TRPC5: variants seen among roughly 807,000 people sequenced by gnomAD.
TRPC5 encodes the protein transient receptor potential cation channel subfamily C member 5.
TRPC5 carries 9 observed loss-of-function variants against 56.5 expected under a neutral mutation model. That is an observed-to-expected ratio of 0.16 (90% CI 0.10 to 0.28). The LOEUF is 0.28. Ranked by LOEUF, TRPC5 falls within the 10% of genes least tolerant of loss-of-function variation. The pLI is 1.00. For synonymous variants in TRPC5, 282 were observed against 278.5 expected (o/e 1.01, Z -0.13); for missense variants, 469 against 748.9 (o/e 0.63, Z 4.36).
chrX:112,027,694 C>T (rs1400380670), intron 1 of TRPC5, among the ~76,000 whole-genome samples: 3 of 110,491 alleles, frequency 2.7e-5, no homozygotes, highest in Non-Finnish European at 5.7e-5. Flanking sequence ...GACGGGGTTT[C>T]ACCGTGTTAG....
chrX:111,973,212 C>T (rs771872991), intron 1 of TRPC5, among the ~76,000 whole-genome samples: 1 of 111,696 alleles, frequency 9.0e-6, no homozygotes, highest in Non-Finnish European at 1.9e-5. Flanking sequence ...TTTAATTTCC[C>T]TCCTACATCT....
intron 1 of TRPC5, among the ~76,000 whole-genome samples, chrX:112,005,463 T>TAAAAAAAAAAAA (rs745973541): frequency 1.5e-4 from 10 of 66,365 alleles, no homozygotes; most frequent in African/African-American, 4.2e-4. Flanking sequence ...AACCTAAAAG[T>TAAAAAAAAAAAA]AAAAAAAAAA....
intron 1 of TRPC5, among the ~76,000 whole-genome samples, chrX:112,028,386 A>AT (rs1342612689): frequency 9.0e-6 from 1 of 111,192 alleles, no homozygotes; most frequent in East Asian, 2.8e-4. Context: ...TCAACTCATC[A>AT]TTTACATTAG....
chrX:111,930,218 C>A (rs757348471), intron 2 of TRPC5, among the ~76,000 whole-genome samples: 2 of 111,039 alleles, frequency 1.8e-5, no homozygotes, highest in Non-Finnish European at 1.9e-5. Context: ...AAGGCTGAGG[C>A]GGGTGGATCA....
intron 1 of TRPC5, among the ~76,000 whole-genome samples, chrX:111,984,212 G>T (rs1049381179): frequency 9.0e-6 from 1 of 111,485 alleles, no homozygotes; most frequent in African/African-American, 3.3e-5. Flanking sequence ...TTCACTTCTA[G>T]GGGACTGCCA....
chrX:111,998,530 T>A (rs1483256905), intron 1 of TRPC5, among the ~76,000 whole-genome samples: 1 of 111,868 alleles, frequency 8.9e-6, no homozygotes, highest in Non-Finnish European at 1.9e-5. Context: ...CTGTCTGCAG[T>A]CAGCCCTGCC....
In TRPC5 at chrX:111,825,177, TTCTTTCTTTC is replaced by T. The variant is rs1403337870; in HGVS notation, c.1896+9734_1896+9743del. Among the ~76,000 whole-genome samples the T allele has an allele frequency of 8.3e-5, 7 of 84,691 alleles. No individual in the cohort carries two copies. In the East Asian group the frequency reaches 2.5e-3, roughly 30 times the overall value. 73.5% of individuals were successfully genotyped at this position (84,691 alleles called of 115,157 possible). On this transcript the variant is annotated intron_variant, in intron 7 of 10. Coordinates refer to ENST00000262839, the MANE Select transcript of TRPC5 (RefSeq NM_012471.3). ...TTTCTTTCTTTCTTTCTTTCTTTCT[TTCTTTCTTTC>T]TTTCTTTCTTTCTTTCTTTCTTTCT... is the stretch of plus-strand genomic sequence containing the variant.
chrX:111,922,722 G>A (rs1926156084), intron 2 of TRPC5, among the ~76,000 whole-genome samples: 1 of 111,845 alleles, frequency 8.9e-6, no homozygotes, highest in South Asian at 3.7e-4. Context: ...AGCTTTCAAG[G>A]CCAAGGTGTA....
intron 7 of TRPC5, among the ~76,000 whole-genome samples, chrX:111,788,021 C>T (rs1203802843): frequency 1.8e-5 from 2 of 111,931 alleles, no homozygotes; most frequent in Non-Finnish European, 3.8e-5. Flanking sequence ...TGAAATTAAT[C>T]CAATCAATAG....
chrX:111,989,624 G>A (rs1034470645), intron 1 of TRPC5, among the ~76,000 whole-genome samples: 1 of 111,796 alleles, frequency 8.9e-6, no homozygotes, highest in African/African-American at 3.3e-5. Flanking sequence ...AGTTTTAGTT[G>A]TACCAAAGCT....
At chrX:112,028,802 C>T (rs189878687) in intron 1 of TRPC5, among the ~76,000 whole-genome samples, 21 of 111,659 alleles carry the variant, frequency 1.9e-4, no homozygotes, top group African/African-American at 4.2e-4. Context: ...GTAATGGGAT[C>T]GCTGGGTCAA....
At chrX:111,948,251 T>A (rs1926980000) in intron 2 of TRPC5, among the ~76,000 whole-genome samples, 1 of 111,457 alleles carries the variant, frequency 9.0e-6, no homozygotes, top group African/African-American at 3.3e-5. Context: ...AAGAGAGACC[T>A]GTCTGACTTG....
chrX:111,920,274 C>CAACAAAACAA (rs368112480), intron 2 of TRPC5, among the ~76,000 whole-genome samples: 2,688 of 110,172 alleles, frequency 0.024, 100 homozygotes, highest in African/African-American at 0.084. Flanking sequence ...GACTCTGTCT[C>CAACAAAACAA]AACAAAACAA....
chrX:111,798,048 G>GA (rs1033143157), intron 7 of TRPC5, among the ~76,000 whole-genome samples: 5 of 110,822 alleles, frequency 4.5e-5, no homozygotes, highest in Non-Finnish European at 7.6e-5. Context: ...GAAAAATTAA[G>GA]AAAAAAATGG....
chrX:112,038,846 TA>T (rs1929820613), intron 1 of TRPC5, among the ~76,000 whole-genome samples: 1 of 93,028 alleles, frequency 1.1e-5, no homozygotes. Context: ...CATGCCCGGC[TA>T]TTTTTTTTTT....
chrX:111,771,764 AC>A lies in TRPC5; in HGVS notation c.*4548del, dbSNP rs2148544741. ...TAAGTCTTCCAGGTAAGTTATTCTGACCTAAATGCTTTTTTTTTTTTTAAAC... is the reference window on the plus strand; with the variant it reads ...TAAGTCTTCCAGGTAAGTTATTCTGACTAAATGCTTTTTTTTTTTTTAAAC... On this transcript the variant is annotated 3_prime_UTR_variant, in exon 11 of 11. Transcript: ENST00000262839. Among the ~76,000 whole-genome samples the A allele has an allele frequency of 9.5e-6, 1 of 104,995 alleles. No individual in the cohort carries two copies. Among genetic ancestry groups the A allele is most frequent in the East Asian group, 2.8e-4 (1 of 3,509 alleles). 91.2% of individuals were successfully genotyped at this position (104,995 alleles called of 115,157 possible).
intron 1 of TRPC5, among the ~76,000 whole-genome samples, chrX:111,954,155 C>G (rs1174085861): frequency 8.9e-6 from 1 of 112,423 alleles, no homozygotes; most frequent in South Asian, 3.7e-4. Flanking sequence ...TTTAATGATA[C>G]TAATTGTAGA....
intron 3 of TRPC5, among the ~76,000 whole-genome samples, chrX:111,866,972 G>A (rs987409614): frequency 2.7e-5 from 3 of 112,125 alleles, no homozygotes; most frequent in Admixed American, 9.5e-5. Context: ...GCCCAGCTCC[G>A]TGTGGCCTGT....
chrX:112,075,882 GAGTA>G (rs1930823681), intron 1 of TRPC5, among the ~76,000 whole-genome samples: 1 of 112,159 alleles, frequency 8.9e-6, no homozygotes, highest in Non-Finnish European at 1.9e-5. Flanking sequence ...CCAACAATCT[GAGTA>G]AGTGAGGAAG....
Sources: gnomAD v4.1 joint callset for allele counts (sites outside exome capture counted in the v4.1 genomes callset) on GRCh38, gnomAD v4.1.1 for gene constraint, MANE v1.5 for transcripts, NCBI Gene and HGNC (gene_info 2026-07-23, HGNC 2026-07-21) for gene names.